Variants in HROB observed in about 807,000 individuals in gnomAD.
HROB encodes the protein homologous recombination OB-fold protein.
HROB carries 44 observed loss-of-function variants against 61.0 expected under a neutral mutation model. The observed-to-expected ratio is 0.72, with a 90% CI of 0.57 to 0.93. The LOEUF is 0.93. Ranked by LOEUF, HROB falls within the 40% of genes least tolerant of loss-of-function variation. The pLI, the probability that HROB is intolerant of heterozygous loss-of-function variation, is 0.00. For missense variants in HROB, 716 were observed against 796.2 expected, an observed-to-expected ratio of 0.90 and a Z score of 1.21; for synonymous variants, 301 against 310.4, an observed-to-expected ratio of 0.97 and a Z score of 0.32.
chr17:44,142,411 A>G (rs1250359832), intron 1 of HROB, among the ~76,000 whole-genome samples: 1 of 150,970 alleles, frequency 6.6e-6, no homozygotes, highest in Non-Finnish European at 1.5e-5. Context: ...CAGTGCGCTC[A>G]GACGTCACTA....
Position 44,154,636 on chromosome 17 carries a change from C to T in HROB, c.1530C>T (p.Asp510=), listed in dbSNP as rs531017645. 35 of 1,614,108 alleles carry T rather than the reference C, an allele frequency of 2.2e-5. No individual in the cohort carries two copies. The highest frequency in any genetic ancestry group is 3.3e-5 in the South Asian group (3 of 91,078). ...MIKSLTRSTM[D]ASVVFKDPTG... ...AGTCCCTGACTCGGAGCACAATGGA[C>T]GCCAGTGTGGTTTTCAAGGACCCCA... Residue 510 remains aspartate, a synonymous_variant, in exon 6 of 10, where the codon GAC becomes GAT. Coordinates refer to ENST00000585683, the MANE Select transcript of HROB (RefSeq NM_001171251.3).
chr17:44,161,985 T>G lies in HROB; in HGVS notation c.*53T>G. The G allele has an allele frequency of 6.4e-7, 1 of 1,555,358 alleles. No homozygotes were observed. On this transcript the variant is annotated 3_prime_UTR_variant, in exon 10 of 10. Transcript: ENST00000585683. ...ATGAGCAGGCAGCTCTGGGCATGTG[T>G]CTGGTCACATCCAAGGGGGAGAAGA...
chr17:44,146,090 C>T (rs1567711955), intron 2 of HROB, among the ~76,000 whole-genome samples: 1 of 152,142 alleles, frequency 6.6e-6, no homozygotes, highest in African/African-American at 2.4e-5. Flanking sequence ...CTTTCTGTCA[C>T]CCAGGCTGGA....
At position 44,148,527 on chromosome 17, in the gene HROB, C is replaced by G. The variant is rs775844397; in HGVS notation, c.724C>G (p.Pro242Ala). 11 of 1,614,018 alleles carry G rather than the reference C, an allele frequency of 6.8e-6. No homozygotes were observed. In the Admixed American group the frequency reaches 1.3e-4, roughly 20 times the overall value. ...CATCCAATGTAGGACTCCACGACCC[C>G]CCTTGAGACCTGGTGCTGTGGGTCA... ...PVIQCRTPRPPLRPGAVGHLP... is the reference protein window; with the variant it reads ...PVIQCRTPRPALRPGAVGHLP... The change falls in exon 3 of 10, where the codon CCC (proline) becomes GCC (alanine). Residue 242 changes from proline (P) to alanine (A), a missense_variant. Coordinates refer to ENST00000585683, the MANE Select transcript of HROB (RefSeq NM_001171251.3).
intron 3 of HROB, among the ~76,000 whole-genome samples, chr17:44,149,872 C>T (rs1216766953): frequency 6.6e-6 from 1 of 152,230 alleles, no homozygotes; most frequent in East Asian, 1.9e-4. Flanking sequence ...AGGGGTCATT[C>T]CCTGGGTGCT....
intron 1 of HROB, among the ~76,000 whole-genome samples, chr17:44,144,222 C>T (rs1051431530): frequency 3.3e-5 from 5 of 152,030 alleles, no homozygotes; most frequent in Admixed American, 3.3e-4. Context: ...CTCACTGCAA[C>T]CTCTGCCTCC....
rs2053572370 is a variant in HROB at position 44,145,067 on chromosome 17, C to T, written c.4-136C>T. On this transcript the variant is annotated intron_variant, in intron 1 of 9. Transcript: ENST00000585683. ...TCCCATTTCTTCTCATTCCTTAGTC[C>T]TTTCCCAGCCGTAGCAAAAACAAAC... is the stretch of plus-strand genomic sequence containing the variant. 51 of 951,676 alleles carry T rather than the reference C, an allele frequency of 5.4e-5. 1 individual carries two copies. The South Asian group carries it at 7.5e-4, about 14-fold the overall frequency. The allele number at this position is 951,676 out of a possible 1,614,324, so 59.0% of individuals were successfully genotyped here.
chr17:44,154,621 T>C lies in HROB; in HGVS notation c.1515T>C (p.Thr505=). 1 of 1,614,118 alleles carries C rather than the reference T, an allele frequency of 6.2e-7. No individual in the cohort carries two copies. The highest frequency in any genetic ancestry group is 8.5e-7 in the Non-Finnish European group (1 of 1,180,010). Residue 505 remains threonine, a synonymous_variant, in exon 6 of 10, where the codon ACT becomes ACC. Coordinates refer to ENST00000585683, the MANE Select transcript of HROB (RefSeq NM_001171251.3). ...PNMAVMIKSL[T]RSTMDASVVF... The stretch of plus-strand genomic sequence containing the variant: ...TGGCGGTGATGATCAAGTCCCTGAC[T>C]CGGAGCACAATGGACGCCAGTGTGG...
intron 8 of HROB, 148 bp downstream of exon 8, chr17:44,155,559 T>C (rs948995201): frequency 7.9e-7 from 1 of 1,258,268 alleles, no homozygotes; most frequent in African/African-American, 1.5e-5. Flanking sequence ...GACAGGACCA[T>C]CTCCTATCCC....
At position 44,141,930 on chromosome 17, in the gene HROB, A is replaced by G; in HGVS notation, c.-213A>G. ...CCCTTTAAGAAGGCGGAGACGCCCC[A>G]GTGGCGGCGTCTTCGAATGCGGCCT... On this transcript the variant is annotated 5_prime_UTR_variant, in exon 1 of 10. Coordinates refer to ENST00000585683, the MANE Select transcript of HROB (RefSeq NM_001171251.3). The G allele has an allele frequency of 3.5e-6, 2 of 567,642 alleles. No homozygotes were observed. Among genetic ancestry groups the G allele is most frequent in the South Asian group, 2.3e-5 (1 of 43,860 alleles). 35.2% of individuals were successfully genotyped at this position (567,642 alleles called of 1,614,324 possible).
In HROB at chr17:44,162,056, G is replaced by T. The variant is rs780457233; in HGVS notation, c.*124G>T. ...TGGACACAGCCGGGGGGCTTCTGTG[G>T]TTGCTCCCACCCTGGGTGTTTTCCC... On this transcript the variant is annotated 3_prime_UTR_variant, in exon 10 of 10. Transcript: ENST00000585683. 6 of 1,118,128 alleles carry T rather than the reference G, an allele frequency of 5.4e-6. No homozygotes were observed. The highest frequency in any genetic ancestry group is 7.8e-6 in the Non-Finnish European group (6 of 771,992). 69.3% of individuals were successfully genotyped at this position (1,118,128 alleles called of 1,614,324 possible).
In HROB at chr17:44,152,765, G is replaced by C. The variant is rs747170944; in HGVS notation, c.1437G>C (p.Met479Ile). 2.5e-6 allele frequency: 4 copies of C among 1,613,572 alleles called. No individual in the cohort carries two copies. In the East Asian group the frequency reaches 8.9e-5, roughly 36 times the overall value. ...SCFLCTYSIV[M>I]VLRKAALKQL... is the part of the protein sequence containing the mutation. ...TCCTCTGTACCTACAGCATTGTCAT[G>C]GTGCTGCGCAAGGTAAGGATTCTGG... The change falls in exon 5 of 10, where the codon ATG becomes ATC. Residue 479 changes from methionine (M) to isoleucine (I), a missense_variant. Met to Ile is a conservative substitution (Grantham distance 10, BLOSUM62 1). Transcript: ENST00000585683.
chr17:44,162,194 G>T lies in HROB; in HGVS notation c.*262G>T. 2.2e-6 allele frequency: 1 copy of T among 449,152 alleles called. No individual in the cohort carries two copies. Among genetic ancestry groups the T allele is most frequent in the South Asian group, 2.8e-5 (1 of 35,366 alleles). 27.8% of individuals were successfully genotyped at this position (449,152 alleles called of 1,614,324 possible). A position where few individuals can be genotyped will look rare whatever the true frequency, so the allele number is the denominator to read the frequency against. Reference sequence around the variant, plus strand: ...CCAACAAGAAAGGCCTGTCACCCTCGCCTTGGGTGTCCCTCTCCTGCCTCA... The same window carrying T: ...CCAACAAGAAAGGCCTGTCACCCTCTCCTTGGGTGTCCCTCTCCTGCCTCA... On this transcript the variant is annotated 3_prime_UTR_variant, in exon 10 of 10. Coordinates refer to ENST00000585683, the MANE Select transcript of HROB (RefSeq NM_001171251.3).
chr17:44,145,704 C>G (rs1188781996), intron 2 of HROB, among the ~76,000 whole-genome samples: 1 of 152,230 alleles, frequency 6.6e-6, no homozygotes, highest in African/African-American at 2.4e-5. Flanking sequence ...GAGGGATGCT[C>G]TTCTGCCTCA....
intron 3 of HROB, 38 bp downstream of exon 3, chr17:44,149,065 GAGAGA>G: frequency 6.4e-7 from 1 of 1,569,162 alleles, no homozygotes; most frequent in Non-Finnish European, 8.7e-7. Context: ...GTGGGCAAGG[GAGAGA>G]AGCAGGGTTC....
At chr17:44,142,465 A>C (rs937569568) in intron 1 of HROB, among the ~76,000 whole-genome samples, 241 of 101,806 alleles carry the variant, frequency 2.4e-3, no homozygotes, top group African/African-American at 4.9e-3. Context: ...CACACTTTCT[A>C]CTTTTTTTTT....
rs761142070 is a variant in HROB, at chr17:44,155,300, T to G, written c.1659T>G (p.Ser553=). The G allele has an allele frequency of 6.2e-7, 1 of 1,614,162 alleles. No individual in the cohort carries two copies. The highest frequency in any genetic ancestry group is 1.1e-5 in the South Asian group (1 of 91,086). The part of the protein sequence containing the change: ...VLLLKQIGVF[S]PSLRNHYLNV... Reference sequence around the variant, plus strand: ...CTTGACTCCAGATTGGAGTGTTTTCTCCTTCACTTCGAAATCACTACCTCA... The same window carrying G: ...CTTGACTCCAGATTGGAGTGTTTTCGCCTTCACTTCGAAATCACTACCTCA... The change falls in exon 8 of 10, where the codon TCT becomes TCG. Residue 553 remains serine, a synonymous_variant. Transcript: ENST00000585683.
chr17:44,146,292 CT>C (rs2053609554), intron 2 of HROB, among the ~76,000 whole-genome samples: 1 of 152,196 alleles, frequency 6.6e-6, no homozygotes, highest in East Asian at 1.9e-4. Flanking sequence ...TCAAATGATC[CT>C]TCTGCCTCGG....
At position 44,158,086 on chromosome 17, in the gene HROB, T is replaced by C. The variant is rs2054025608; in HGVS notation, c.1879+145T>C. On this transcript the variant is annotated intron_variant, in intron 9 of 9. Transcript: ENST00000585683. ...CTTACAGAAATCAGATACAGTGTCT[T>C]GTTTGGCAAGGCTGCAGGCCACAAA... The C allele has an allele frequency of 4.8e-6, 3 of 625,196 alleles. No homozygotes were observed. The South Asian group carries it at 7.1e-5, about 15-fold the overall frequency. 38.7% of individuals were successfully genotyped at this position (625,196 alleles called of 1,614,324 possible).
Sources: gnomAD v4.1 joint callset for allele counts (sites outside exome capture counted in the v4.1 genomes callset) on GRCh38, gnomAD v4.1.1 for gene constraint, MANE v1.5 for transcripts, NCBI Gene and HGNC (gene_info 2026-07-23, HGNC 2026-07-21) for gene names.